The following COMMD10 variants were observed in gnomAD, a reference collection of about 807,000 sequenced individuals.
COMMD10 encodes COMM domain containing 10, also known as COMM domain-containing protein 10.
COMMD10 carries 33 observed loss-of-function variants against 28.9 expected under a neutral mutation model. The ratio of observed to expected loss-of-function variants is 1.14; its 90% CI spans 0.87 to 1.53. The LOEUF (loss-of-function observed/expected upper bound fraction) is 1.53. Ranked by LOEUF, COMMD10 falls within the 40% of genes most tolerant of loss-of-function variation. The probability of loss-of-function intolerance (pLI) is 0.00; values close to 1 mark genes in which losing one functional copy is unlikely to be tolerated. For synonymous variants in COMMD10, 110 were observed against 81.7 expected, an observed-to-expected ratio of 1.35 and a Z score of -1.87; for missense variants, 310 against 233.4, an observed-to-expected ratio of 1.33 and a Z score of -2.14.
chr5:116,186,104 T>A (rs896793725), intron 5 of COMMD10, among the ~76,000 whole-genome samples: 1 of 152,176 alleles, frequency 6.6e-6, no homozygotes, highest in Non-Finnish European at 1.5e-5. Context: ...GTAGACTTTT[T>A]ACTGTCAACG....
intron 5 of COMMD10, among the ~76,000 whole-genome samples, chr5:116,248,335 G>A (rs1045220642): frequency 1.3e-5 from 2 of 151,094 alleles, no homozygotes; most frequent in Non-Finnish European, 3.0e-5. Context: ...GAACTACAAG[G>A]CAGCCCTGTG....
In COMMD10 at chr5:116,232,855, G is replaced by A. The variant is rs143260658; in HGVS notation, c.511-58662G>A. ...ATATATTAACTTGTTAAATTCTCAA[G>A]CAACCTATGAGATACAGGACAAGAC... is the stretch of plus-strand genomic sequence containing the variant. On this transcript the variant is annotated intron_variant, in intron 5 of 6. Coordinates refer to ENST00000274458, the MANE Select transcript of COMMD10 (RefSeq NM_016144.4). 1.5e-3 allele frequency among the ~76,000 whole-genome samples: 229 copies of A among 152,200 alleles called. 4 individuals carry two copies. The South Asian group carries it at 0.017, about 11-fold the overall frequency.
chr5:116,119,131 C>T (rs1751338276), intron 4 of COMMD10, among the ~76,000 whole-genome samples: 1 of 152,048 alleles, frequency 6.6e-6, no homozygotes, highest in Non-Finnish European at 1.5e-5. Context: ...AAAAAAAATA[C>T]ATTGATGATT....
At chr5:116,184,152 G>A (rs1580529573) in intron 5 of COMMD10, among the ~76,000 whole-genome samples, 1 of 151,658 alleles carries the variant, frequency 6.6e-6, no homozygotes. Flanking sequence ...ACCAATAGAT[G>A]TATTTATTAC....
chr5:116,146,523 G>C (rs554115625), intron 5 of COMMD10, among the ~76,000 whole-genome samples: 3 of 151,628 alleles, frequency 2.0e-5, no homozygotes, highest in African/African-American at 4.8e-5. Flanking sequence ...TCTAGATTAA[G>C]TTTTCTTATG....
intron 4 of COMMD10, among the ~76,000 whole-genome samples, chr5:116,110,908 G>T (rs1250587594): frequency 1.3e-5 from 2 of 152,096 alleles, no homozygotes; most frequent in East Asian, 1.9e-4. Flanking sequence ...TGAGAAACCT[G>T]CCTCCATCAT....
chr5:116,096,156 T>G (rs962237138), intron 4 of COMMD10, among the ~76,000 whole-genome samples: 1 of 151,976 alleles, frequency 6.6e-6, no homozygotes, highest in African/African-American at 2.4e-5. Flanking sequence ...CTGCTTGGGG[T>G]ATTGATTGGG....
intron 5 of COMMD10, among the ~76,000 whole-genome samples, chr5:116,167,191 C>A (rs188926985): frequency 2.1e-4 from 32 of 151,958 alleles, no homozygotes; most frequent in Middle Eastern, 3.4e-3. Flanking sequence ...AGCACAAGAA[C>A]TTCATGCAGC....
chr5:116,199,960 T>C (rs1183864664), intron 5 of COMMD10, among the ~76,000 whole-genome samples: 4 of 152,042 alleles, frequency 2.6e-5, no homozygotes, highest in Non-Finnish European at 5.9e-5. Flanking sequence ...CTAAATATTT[T>C]ACTCTACTCT....
At chr5:116,218,500 T>C (rs1258355204) in intron 5 of COMMD10, among the ~76,000 whole-genome samples, 2 of 152,204 alleles carry the variant, frequency 1.3e-5, no homozygotes, top group African/African-American at 2.4e-5. Flanking sequence ...TAGTTTTTCC[T>C]CACACAATTT....
intron 5 of COMMD10, among the ~76,000 whole-genome samples, chr5:116,277,013 G>T (rs1435836663): frequency 6.6e-6 from 1 of 151,774 alleles, no homozygotes; most frequent in Non-Finnish European, 1.5e-5. Context: ...TGCACTTTAA[G>T]TGGGTGAACT....
rs1024992996 is a variant in COMMD10 at position 116,271,083 on chromosome 5, A to C, written c.511-20434A>C. ...CTCCAAGTGGATTAGCTTTCCCCTT[A>C]AAGGCTTGGGAGAAAATCTTTCCTC... On this transcript the variant is annotated intron_variant, in intron 5 of 6. Coordinates refer to ENST00000274458, the MANE Select transcript of COMMD10 (RefSeq NM_016144.4). Among the ~76,000 whole-genome samples, 16 of 151,396 alleles carry C rather than the reference A, an allele frequency of 1.1e-4. 1 individual carries two copies. The highest frequency in any genetic ancestry group is 5.3e-4 in the Admixed American group (8 of 15,188).
At chr5:116,247,901 C>T (rs72806927) in intron 5 of COMMD10, among the ~76,000 whole-genome samples, 2 of 151,924 alleles carry the variant, frequency 1.3e-5, no homozygotes, top group Non-Finnish European at 2.9e-5. Context: ...ATCTGTACAA[C>T]AGATCCCCAT....
intron 5 of COMMD10, among the ~76,000 whole-genome samples, chr5:116,240,042 A>G (rs967874055): frequency 1.3e-5 from 2 of 152,128 alleles, no homozygotes; most frequent in Admixed American, 6.5e-5. Flanking sequence ...TTTCTCCTAT[A>G]CTTTGCTTTA....
chr5:116,159,948 G>A (rs1022392267), intron 5 of COMMD10, among the ~76,000 whole-genome samples: 3 of 152,152 alleles, frequency 2.0e-5, no homozygotes, highest in Non-Finnish European at 2.9e-5. Context: ...TGAATAGATT[G>A]TTCCAATAAC....
At chr5:116,206,489 A>G (rs945988679) in intron 5 of COMMD10, among the ~76,000 whole-genome samples, 3 of 152,078 alleles carry the variant, frequency 2.0e-5, no homozygotes, top group Non-Finnish European at 4.4e-5. Flanking sequence ...AGTTTCCACT[A>G]AAAATACAAA....
At chr5:116,150,892 A>G (rs986460745) in intron 5 of COMMD10, among the ~76,000 whole-genome samples, 13 of 150,952 alleles carry the variant, frequency 8.6e-5, no homozygotes, top group African/African-American at 2.4e-4. Context: ...TTCCAACACT[A>G]TGTTGAATAG....
At chr5:116,186,280 C>T (rs1391732383) in intron 5 of COMMD10, among the ~76,000 whole-genome samples, 1 of 152,094 alleles carries the variant, frequency 6.6e-6, no homozygotes, top group Non-Finnish European at 1.5e-5. Context: ...CTCCCATAAC[C>T]CCAAACTGCT....
intron 5 of COMMD10, among the ~76,000 whole-genome samples, chr5:116,151,467 C>G (rs904429506): frequency 1.3e-5 from 2 of 152,168 alleles, no homozygotes; most frequent in South Asian, 4.1e-4. Flanking sequence ...TGGTAGAATT[C>G]GGCTGTGAAT....
Sources: gnomAD v4.1 joint callset for allele counts (sites outside exome capture counted in the v4.1 genomes callset) on GRCh38, gnomAD v4.1.1 for gene constraint, MANE v1.5 for transcripts, NCBI Gene and HGNC (gene_info 2026-07-23, HGNC 2026-07-21) for gene names.